The following MZT2B variants were observed in gnomAD, a reference collection of about 807,000 sequenced individuals.
The protein encoded by MZT2B is mitotic-spindle organizing protein 2B.
In MZT2B, 11 loss-of-function variants were observed where a neutral mutation model predicts 12.1. The observed-to-expected ratio is 0.91, with a 90% CI of 0.57 to 1.50. The LOEUF is 1.50. Among genes scored for constraint, MZT2B ranks in the 40% most tolerant of loss-of-function variants. The probability of loss-of-function intolerance (pLI) is 0.00; values close to 1 mark genes in which losing one functional copy is unlikely to be tolerated. For missense variants in MZT2B, 209 were observed against 227.7 expected, an observed-to-expected ratio of 0.92 and a Z score of 0.53; for synonymous variants, 85 against 109.5, an observed-to-expected ratio of 0.78 and a Z score of 1.40.
At chr2:130,186,240 A>C (rs754086770) in intron 2 of MZT2B, among the ~76,000 whole-genome samples, 1 of 152,074 alleles carries the variant, frequency 6.6e-6, no homozygotes, top group Non-Finnish European at 1.5e-5. Flanking sequence ...AGGCCCTCTC[A>C]AGCTTGCCTC....
At chr2:130,200,042 G>T in the MZT2B span, among the ~76,000 whole-genome samples, 1 of 151,548 alleles carries the variant, frequency 6.6e-6, no homozygotes, top group Admixed American at 6.6e-5. Context: ...TTTGCAGTGA[G>T]CCAAGATCAT....
At chr2:130,182,874 C>CCTGT (rs533413894) in intron 2 of MZT2B, 99 bp downstream of exon 2, 1 of 1,469,754 alleles carries the variant, frequency 6.8e-7, no homozygotes, top group Non-Finnish European at 9.0e-7. Context: ...AGTGGCCAGG[C>CCTGT]CTGTCTGTCG....
intron 2 of MZT2B, among the ~76,000 whole-genome samples, chr2:130,185,085 G>C (rs372281236): frequency 6.6e-6 from 1 of 152,132 alleles, no homozygotes; most frequent in Non-Finnish European, 1.5e-5. Flanking sequence ...CGAGGCGGGC[G>C]GATCTCGAGG....
At chr2:130,203,261 T>A in the MZT2B span, among the ~76,000 whole-genome samples, 2 of 152,348 alleles carry the variant, frequency 1.3e-5, no homozygotes, top group East Asian at 3.9e-4. Context: ...TCCCCCTGCA[T>A]GACTTGTCTG....
rs1690235723 is a variant in MZT2B, at chr2:130,190,694, A to G, written c.*68A>G. ...TACATGTTACCTCCTTCAATTGATA[A>G]TAAACCTTTCTGAGATGCAGAGGGT... On this transcript the variant is annotated 3_prime_UTR_variant, in exon 3 of 3. Coordinates refer to ENST00000281871, the MANE Select transcript of MZT2B (RefSeq NM_025029.5). 6.5e-7 allele frequency: 1 copy of G among 1,540,832 alleles called. No homozygotes were observed. The highest frequency in any genetic ancestry group is 1.2e-5 in the South Asian group (1 of 81,308).
chr2:130,183,223 A>G (rs1474795968), intron 2 of MZT2B: 1 of 271,884 alleles, frequency 3.7e-6, no homozygotes, highest in Non-Finnish European at 7.1e-6. Flanking sequence ...GACAGTCTCG[A>G]TCTCTGTCCT....
chr2:130,183,161 T>G (rs570778501), intron 2 of MZT2B: 8 of 354,918 alleles, frequency 2.3e-5, no homozygotes, highest in African/African-American at 1.3e-4. Flanking sequence ...CCATGAGTTT[T>G]AGACCACTCT....
At chr2:130,185,222 A>G (rs1333284521) in intron 2 of MZT2B, among the ~76,000 whole-genome samples, 2 of 151,394 alleles carry the variant, frequency 1.3e-5, no homozygotes, top group African/African-American at 4.9e-5. Flanking sequence ...GAGGCAGAAG[A>G]ATGGCGTGAA....
At chr2:130,194,202 G>A (rs147088601), downstream of MZT2B, 316 of 1,613,062 alleles carry the variant, frequency 2.0e-4, 1 homozygote, top group East Asian at 2.7e-3. Flanking sequence ...AGGTTGCGCC[G>A]ACATATGTCA....
At position 130,184,507 on chromosome 2, in the gene MZT2B, G is replaced by T; in HGVS notation, c.319+1732G>T. On this transcript the variant is annotated intron_variant, in intron 2 of 2. Transcript: ENST00000281871. ...ACACTTTCCAGGTGTCAGCAGGTGT[G>T]ATCAGGGGCTCAGAGCCAGGGTCCT... 3 of 985,440 alleles carry T rather than the reference G, an allele frequency of 3.0e-6. No individual in the cohort carries two copies. In the South Asian group the frequency reaches 1.4e-4, roughly 46 times the overall value. 61.0% of individuals were successfully genotyped at this position (985,440 alleles called of 1,614,324 possible).
chr2:130,193,955 A>G (rs757205146), downstream of MZT2B: 1 of 1,614,204 alleles, frequency 6.2e-7, no homozygotes, highest in Non-Finnish European at 8.5e-7. Context: ...GGCTGGCTCG[A>G]AGCAGGCATT....
chr2:130,182,085 G>T (rs2104951237), upstream of MZT2B: 4 of 1,349,614 alleles, frequency 3.0e-6, no homozygotes, highest in African/African-American at 1.5e-5. Flanking sequence ...GGCTCCTAGA[G>T]CGCCGCTCAG....
At position 130,190,505 on chromosome 2, in the gene MZT2B, T is replaced by C. The variant is rs777800669; in HGVS notation, c.356T>C (p.Leu119Ser). The C allele has an allele frequency of 3.1e-5, 50 of 1,613,598 alleles. No homozygotes were observed. The highest frequency in any genetic ancestry group is 4.0e-5 in the Non-Finnish European group (47 of 1,179,936). ...GGCAGCGCTGCCCTCGGGGGAGCAT[T>C]GGCCCTGGCGGAACGCAGCAGCCGC... ...NKGSAALGGA[L>S]ALAERSSREG... The change falls in exon 3 of 3, where the codon TTG (leucine) becomes TCG (serine). Residue 119 changes from leucine (L) to serine (S), a missense_variant. Transcript: ENST00000281871.
Position 130,182,286 on chromosome 2 carries a change from G to A in MZT2B, c.4G>A (p.Ala2Thr), listed in dbSNP as rs965659023. 7.6e-5 allele frequency: 101 copies of A among 1,332,292 alleles called. No homozygotes were observed. Among genetic ancestry groups the A allele is most frequent in the Non-Finnish European group, 8.1e-5 (85 of 1,051,400 alleles). The allele number at this position is 1,332,292 out of a possible 1,614,324, so 82.5% of individuals were successfully genotyped here. A position where few individuals can be genotyped will look rare whatever the true frequency, so the allele number is the denominator to read the frequency against. MAAQGVGPGPGS... is the reference protein window; with the variant it reads MTAQGVGPGPGS... ...CACCTTTCCGCGGGCCGCGGGGATG[G>A]CGGCGCAGGGCGTAGGGCCTGGGCC... The change falls in exon 1 of 3, where the codon GCG (alanine) becomes ACG (threonine). Residue 2 changes from alanine (A) to threonine (T), a missense_variant. By Grantham distance (58) the Ala-to-Thr change is moderately conservative. Coordinates refer to ENST00000281871, the MANE Select transcript of MZT2B (RefSeq NM_025029.5).
rs1428354274 is a variant in MZT2B, at chr2:130,190,600, A to C, written c.451A>C (p.Lys151Gln). Residue 151 changes from lysine (K) to glutamine (Q), a missense_variant, in exon 3 of 3, where the codon AAG (lysine) becomes CAG (glutamine). By Grantham distance (53) the Lys-to-Gln change is moderately conservative. Transcript: ENST00000281871. The part of the protein sequence containing the change: ...TRLPKGGGPG[K>Q]SPTRGST Reference sequence around the variant, plus strand: ...GCTGCCCAAGGGGGGCGGGCCTGGGAAGAGCCCTACACGGGGCAGCACCTA... The same window carrying C: ...GCTGCCCAAGGGGGGCGGGCCTGGGCAGAGCCCTACACGGGGCAGCACCTA... 6.2e-7 allele frequency: 1 copy of C among 1,612,852 alleles called. No homozygotes were observed. The highest frequency in any genetic ancestry group is 1.3e-5 in the African/African-American group (1 of 75,038).
chr2:130,191,522 CA>C (rs1254499465), downstream of MZT2B, among the ~76,000 whole-genome samples: 4 of 152,224 alleles, frequency 2.6e-5, no homozygotes, highest in Non-Finnish European at 4.4e-5. Context: ...AACCCTGACT[CA>C]GCTTTCCTAG....
chr2:130,181,719 A>G (rs1425729946), upstream of MZT2B: 2 of 1,548,798 alleles, frequency 1.3e-6, no homozygotes, highest in African/African-American at 1.4e-5. Context: ...GGGAAGAGAA[A>G]TGGCGAGGCA....
chr2:130,182,208 T>A, upstream of MZT2B: 1 of 1,239,406 alleles, frequency 8.1e-7, no homozygotes, highest in Non-Finnish European at 1.0e-6. Flanking sequence ...ACGTTGACGC[T>A]GCAGGGAGAG....
downstream of MZT2B, among the ~76,000 whole-genome samples, chr2:130,195,673 G>A (rs1690386132): frequency 6.6e-6 from 1 of 152,206 alleles, no homozygotes; most frequent in Admixed American, 6.5e-5. Context: ...CATCTCCTGG[G>A]GGGCCACTGA....
Sources: gnomAD v4.1 joint callset for allele counts (sites outside exome capture counted in the v4.1 genomes callset) on GRCh38, gnomAD v4.1.1 for gene constraint, MANE v1.5 for transcripts, NCBI Gene and HGNC (gene_info 2026-07-23, HGNC 2026-07-21) for gene names.